PRDM6: variants seen among roughly 807,000 people sequenced by gnomAD.
The protein encoded by PRDM6 is PR/SET domain 6.
Under a neutral mutation model 60.8 loss-of-function variants are expected in PRDM6, and 25 were observed. That is an observed-to-expected ratio of 0.41 (90% CI 0.30 to 0.57). PRDM6 has a LOEUF of 0.57. Among genes scored for constraint, PRDM6 ranks in the 20% least tolerant of loss-of-function variants. The pLI is 0.27. For synonymous variants in PRDM6, 407 were observed against 357.4 expected, an observed-to-expected ratio of 1.14 and a Z score of -1.57; for missense variants, 839 against 821.3, an observed-to-expected ratio of 1.02 and a Z score of -0.26.
At chr5:123,140,169 A>G (rs1422693111) in intron 3 of PRDM6, among the ~76,000 whole-genome samples, 1 of 152,098 alleles carries the variant, frequency 6.6e-6, no homozygotes, top group Non-Finnish European at 1.5e-5. Context: ...AAGTTCTAAG[A>G]TGTAGTAACA....
In PRDM6 at chr5:123,170,976, C is replaced by A; in HGVS notation, c.1364C>A (p.Ala455Glu). Residue 455 changes from alanine to glutamate, a missense_variant, in exon 6 of 8, where the codon GCA becomes GAA. Around this residue, in one of 2 missense-constraint regions of PRDM6, gnomAD observed 730 missense variants for 648.8 expected, o/e 1.13. Coordinates refer to ENST00000407847, the MANE Select transcript of PRDM6 (RefSeq NM_001136239.4). ...AACGTGAAAAACCAGCGAGTCCTGG[C>A]AAGCCCAACTTCCACAAGCCAGCTC... ...QINVKNQRVL[A>E]SPTSTSQLHS... 1.9e-6 allele frequency: 3 copies of A among 1,551,800 alleles called. No homozygotes were observed. Among genetic ancestry groups the A allele is most frequent in the Non-Finnish European group, 2.6e-6 (3 of 1,147,018 alleles).
At chr5:123,167,638 G>A (rs950575581) in intron 5 of PRDM6, among the ~76,000 whole-genome samples, 6 of 151,956 alleles carry the variant, frequency 3.9e-5, no homozygotes, top group Non-Finnish European at 5.9e-5. Flanking sequence ...ATCTGCTTGC[G>A]TCAGCCTCCC....
intron 3 of PRDM6, among the ~76,000 whole-genome samples, chr5:123,139,569 T>A (rs149545357): frequency 2.6e-5 from 4 of 152,156 alleles, no homozygotes; most frequent in Admixed American, 6.6e-5. Flanking sequence ...GATTCTTTGT[T>A]GTTCTTGAAA....
chr5:123,132,526 A>G (rs949058328), intron 3 of PRDM6, among the ~76,000 whole-genome samples: 6 of 152,116 alleles, frequency 3.9e-5, no homozygotes, highest in African/African-American at 1.4e-4. Context: ...CAGGTATATC[A>G]TCCCCATATC....
At chr5:123,119,151 G>A (rs1354623463) in intron 3 of PRDM6, among the ~76,000 whole-genome samples, 1 of 151,862 alleles carries the variant, frequency 6.6e-6, no homozygotes, top group African/African-American at 2.4e-5. Context: ...AGCATTAACT[G>A]TTACTATCTC....
chr5:123,112,455 TCCCATTGCTG>T (rs1194714946), intron 3 of PRDM6, among the ~76,000 whole-genome samples: 1 of 152,216 alleles, frequency 6.6e-6, no homozygotes, highest in African/African-American at 2.4e-5. Context: ...CTCCTCGGCT[TCCCATTGCTG>T]CTGTTGATGG....
intron 5 of PRDM6, among the ~76,000 whole-genome samples, chr5:123,164,717 G>C (rs916712122): frequency 2.0e-5 from 3 of 152,166 alleles, no homozygotes; most frequent in Non-Finnish European, 4.4e-5. Flanking sequence ...TTGACTTTTT[G>C]CGTGCTGTAG....
chr5:123,180,444 TC>T, intron 7 of PRDM6, 121 bp downstream of exon 7: 1 of 1,037,362 alleles, frequency 9.6e-7, no homozygotes, highest in Non-Finnish European at 1.4e-6. Flanking sequence ...AAGGCCAGTG[TC>T]CAGGCTGCAA....
At chr5:123,125,191 G>T (rs1764669019) in intron 3 of PRDM6, among the ~76,000 whole-genome samples, 1 of 143,414 alleles carries the variant, frequency 7.0e-6, no homozygotes, top group East Asian at 2.1e-4. Context: ...ACACATGAGT[G>T]GCAAAAAAGC....
intron 3 of PRDM6, among the ~76,000 whole-genome samples, chr5:123,141,393 A>C (rs916048744): frequency 6.6e-6 from 1 of 152,112 alleles, no homozygotes; most frequent in African/African-American, 2.4e-5. Context: ...GGAATTTTTC[A>C]GAATTTTTTA....
At chr5:123,109,253 C>T (rs1225519261) in intron 3 of PRDM6, among the ~76,000 whole-genome samples, 1 of 152,104 alleles carries the variant, frequency 6.6e-6, no homozygotes, top group African/African-American at 2.4e-5. Flanking sequence ...ATTAATTTAT[C>T]CAGTTGTGGT....
chr5:123,146,140 C>T, intron 3 of PRDM6, among the ~76,000 whole-genome samples: 1 of 152,154 alleles, frequency 6.6e-6, no homozygotes, highest in East Asian at 1.9e-4. Flanking sequence ...AGGCTTTGGT[C>T]CAAGCTGCTT....
intron 3 of PRDM6, among the ~76,000 whole-genome samples, chr5:123,130,976 G>A (rs1207082212): frequency 6.6e-6 from 1 of 152,220 alleles, no homozygotes; most frequent in African/African-American, 2.4e-5. Flanking sequence ...ACAGTTACTA[G>A]TTCTCTCAAG....
chr5:123,166,170 A>G (rs335210), intron 5 of PRDM6, among the ~76,000 whole-genome samples: 66,997 of 150,988 alleles, frequency 0.44, 15,100 homozygotes, highest in East Asian at 0.59. Context: ...GCTGCAGCCC[A>G]TCTCCTCTTC....
chr5:123,117,596 G>A (rs1417989917), intron 3 of PRDM6, among the ~76,000 whole-genome samples: 1 of 152,194 alleles, frequency 6.6e-6, no homozygotes, highest in Non-Finnish European at 1.5e-5. Flanking sequence ...TTTCTTTTTG[G>A]TGTCCCCATC....
At chr5:123,128,100 A>G (rs1475573564) in intron 3 of PRDM6, among the ~76,000 whole-genome samples, 1 of 152,122 alleles carries the variant, frequency 6.6e-6, no homozygotes, top group Non-Finnish European at 1.5e-5. Context: ...ACATGAACTC[A>G]TCCTTTTTAA....
chr5:123,132,161 A>C lies in PRDM6; in HGVS notation c.901-23723A>C, dbSNP rs549609459. Among the ~76,000 whole-genome samples, 10 of 152,238 alleles carry C rather than the reference A, an allele frequency of 6.6e-5. No individual in the cohort carries two copies. In the South Asian group the frequency reaches 1.2e-3, roughly 19 times the overall value. On this transcript the variant is annotated intron_variant, in intron 3 of 7. Transcript: ENST00000407847. ...TATCCTACTTTATGTCATACTTAAAAATTTTTATGTAGAGAGTTCCAAACT... is the reference window on the plus strand; with the variant it reads ...TATCCTACTTTATGTCATACTTAAACATTTTTATGTAGAGAGTTCCAAACT...
intron 3 of PRDM6, among the ~76,000 whole-genome samples, chr5:123,110,273 CTTT>C (rs34213134): frequency 1.1e-4 from 12 of 106,182 alleles, no homozygotes; most frequent in Non-Finnish European, 1.6e-4. Flanking sequence ...TAATCATTTC[CTTT>C]TTTTTTTTTT....
At chr5:123,120,192 A>C (rs1214687141) in intron 3 of PRDM6, among the ~76,000 whole-genome samples, 1 of 152,274 alleles carries the variant, frequency 6.6e-6, no homozygotes, top group East Asian at 1.9e-4. Context: ...TGTTTTGAGA[A>C]GATGAAAATG....
Sources: gnomAD v4.1 joint callset for allele counts (sites outside exome capture counted in the v4.1 genomes callset) on GRCh38, gnomAD v4.1.1 for gene constraint, gnomAD v4.1.1 regional missense constraint, MANE v1.5 for transcripts, NCBI Gene and HGNC (gene_info 2026-07-23, HGNC 2026-07-21) for gene names.